The following ACOT6 variants were observed in gnomAD, a reference collection of about 807,000 sequenced individuals.
ACOT6 encodes acyl-coenzyme A thioesterase 6.
Under a neutral mutation model 12.3 loss-of-function variants are expected in ACOT6, and 14 were observed. The observed-to-expected ratio is 1.14, with a 90% CI of 0.75 to 1.78. The LOEUF (loss-of-function observed/expected upper bound fraction) is 1.78. Ranked by LOEUF, ACOT6 falls within the 40% of genes most tolerant of loss-of-function variation. The pLI, the probability that ACOT6 is intolerant of heterozygous loss-of-function variation, is 0.00. For missense variants in ACOT6, 523 were observed against 551.8 expected (o/e 0.95, Z 0.52); for synonymous variants, 218 against 231.3 (o/e 0.94, Z 0.52).
At chr14:73,619,084 TGC>T in intron 2 of ACOT6, 148 bp from the exon 3 acceptor site, 3 of 970,314 alleles carry the variant, frequency 3.1e-6, no homozygotes, top group Non-Finnish European at 4.4e-6. Context: ...GAGCCAAGAT[TGC>T]ACCACTGCAC....
chr14:73,616,761 G>C (rs1203273317), intron 1 of ACOT6: 3 of 416,764 alleles, frequency 7.2e-6, no homozygotes, highest in Non-Finnish European at 1.3e-5. Context: ...CGGATGAACT[G>C]TACAGTGATG....
chr14:73,613,000 G>C lies in ACOT6; in HGVS notation c.429G>C (p.Pro143=). The C allele has an allele frequency of 1.0e-6, 1 of 984,466 alleles. No homozygotes were observed. The highest frequency in any genetic ancestry group is 1.4e-6 in the Non-Finnish European group (1 of 718,060). 61.0% of individuals were successfully genotyped at this position (984,466 alleles called of 1,614,324 possible). A position where few individuals can be genotyped will look rare whatever the true frequency, so the allele number is the denominator to read the frequency against. ...GVRREPVRAG[P]VRAALFLPPD... is the part of the protein sequence containing the mutation. ...GGCGCGAGCCGGTGCGCGCGGGCCCGGTGCGCGCCGCGCTCTTCCTGCCGC... is the reference window on the plus strand; with the variant it reads ...GGCGCGAGCCGGTGCGCGCGGGCCCCGTGCGCGCCGCGCTCTTCCTGCCGC... The change falls in exon 1 of 3, where the codon CCG becomes CCC. Residue 143 remains proline, a synonymous_variant. Transcript: ENST00000645972.
At position 73,615,068 on chromosome 14, in the gene ACOT6, G is replaced by A. The variant is rs9671270; in HGVS notation, c.462-1926G>A. 3.0e-3 allele frequency among the ~76,000 whole-genome samples: 386 copies of A among 128,328 alleles called. 3 individuals are homozygous for A. The highest frequency in any genetic ancestry group is 0.01 in the African/African-American group (343 of 32,838). 84.2% of individuals were successfully genotyped at this position (128,328 alleles called of 152,430 possible). A position where few individuals can be genotyped will look rare whatever the true frequency, so the allele number is the denominator to read the frequency against. ...CGCACCGTTGCACTCCAGCCTGGAG[G>A]ACAGAGCAAGACTCCATCTCAAAAA... On this transcript the variant is annotated intron_variant, in intron 1 of 2. Coordinates refer to ENST00000645972, the MANE Select transcript of ACOT6 (RefSeq NM_001365788.1).
upstream of ACOT6, chr14:73,611,581 G>C (rs1208272565): frequency 2.0e-5 from 3 of 152,242 alleles, no homozygotes; most frequent in Non-Finnish European, 4.4e-5. Context: ...GACTCTGCCA[G>C]TGATTAGATT....
rs1488063359 is a variant in ACOT6, at chr14:73,612,902, G to A, written c.331G>A (p.Gly111Ser). ...CGCCGTGGAGCTGGAAGTGCTGGACGGCCACGACACCGAGCCCGGGCGGCT... is the reference window on the plus strand; with the variant it reads ...CGCCGTGGAGCTGGAAGTGCTGGACAGCCACGACACCGAGCCCGGGCGGCT... ...PFAVELEVLD[G>S]HDTEPGRLLC... The change falls in exon 1 of 3, where the codon GGC (glycine) becomes AGC (serine). Residue 111 changes from glycine to serine, a missense_variant. Coordinates refer to ENST00000645972, the MANE Select transcript of ACOT6 (RefSeq NM_001365788.1). The A allele has an allele frequency of 3.6e-6, 5 of 1,371,336 alleles. No homozygotes were observed. Among genetic ancestry groups the A allele is most frequent in the South Asian group, 2.7e-5 (2 of 73,660 alleles). The allele number at this position is 1,371,336 out of a possible 1,614,324, so 84.9% of individuals were successfully genotyped here. A position where few individuals can be genotyped will look rare whatever the true frequency, so the allele number is the denominator to read the frequency against.
chr14:73,612,648 T>C lies in ACOT6; in HGVS notation c.77T>C (p.Leu26Pro). The change falls in exon 1 of 3, where the codon CTG (leucine) becomes CCG (proline). Residue 26 changes from leucine (L) to proline (P), a missense_variant. Transcript: ENST00000645972. ...CCGCTGCGCATCGCAGTGCGCGGCCTGGCCCCGGAGCAGCCAGTCACGCTG... is the reference window on the plus strand; with the variant it reads ...CCGCTGCGCATCGCAGTGCGCGGCCCGGCCCCGGAGCAGCCAGTCACGCTG... ...DEPLRIAVRG[L>P]APEQPVTLRT... The C allele has an allele frequency of 1.4e-6, 2 of 1,406,308 alleles. No individual in the cohort carries two copies. The highest frequency in any genetic ancestry group is 1.8e-6 in the Non-Finnish European group (2 of 1,081,418). The allele number at this position is 1,406,308 out of a possible 1,614,324, so 87.1% of individuals were successfully genotyped here. A position where few individuals can be genotyped will look rare whatever the true frequency, so the allele number is the denominator to read the frequency against.
At chr14:73,613,481 C>T (rs888875757) in intron 1 of ACOT6, among the ~76,000 whole-genome samples, 1 of 152,140 alleles carries the variant, frequency 6.6e-6, no homozygotes, top group Non-Finnish European at 1.5e-5. Context: ...TCCAAAGAAG[C>T]TAAAATCCAC....
chr14:73,619,023 G>A (rs185142858), intron 2 of ACOT6, among the ~76,000 whole-genome samples: 149 of 152,164 alleles, frequency 9.8e-4, no homozygotes, highest in African/African-American at 3.5e-3. Flanking sequence ...CCAGCTACTC[G>A]GGAGGCTGAG....
chr14:73,616,849 TATC>T (rs766597511), intron 1 of ACOT6, 142 bp from the exon 2 acceptor site: 2 of 574,424 alleles, frequency 3.5e-6, no homozygotes, highest in Non-Finnish European at 6.2e-6. Context: ...CCCTCTATAT[TATC>T]ATTATTGTTT....
At chr14:73,618,508 C>T (rs894722999) in intron 2 of ACOT6, among the ~76,000 whole-genome samples, 20 of 151,328 alleles carry the variant, frequency 1.3e-4, no homozygotes, top group African/African-American at 4.2e-4. Context: ...GCAGGGCCCA[C>T]GGGCTGACCT....
chr14:73,612,631 C>A lies in ACOT6; in HGVS notation c.60C>A (p.Arg20=). Reference sequence around the variant, plus strand: ...GCTGCTGCTGGGACGAGCCGCTGCGCATCGCAGTGCGCGGCCTGGCCCCGG... The same window carrying A: ...GCTGCTGCTGGGACGAGCCGCTGCGAATCGCAGTGCGCGGCCTGGCCCCGG... ...AGRCCWDEPL[R]IAVRGLAPEQ... Residue 20 remains arginine (R), a synonymous_variant, in exon 1 of 3, where the codon CGC becomes CGA. Transcript: ENST00000645972. 7.1e-7 allele frequency: 1 copy of A among 1,406,600 alleles called. No homozygotes were observed. Among genetic ancestry groups the A allele is most frequent in the Non-Finnish European group, 9.3e-7 (1 of 1,078,786 alleles). 87.1% of individuals were successfully genotyped at this position (1,406,600 alleles called of 1,614,324 possible).
rs1160138803 is a variant in ACOT6, at chr14:73,615,388, T to TAAAAAAAA, written c.462-1594_462-1587dup. On this transcript the variant is annotated intron_variant, in intron 1 of 2. Transcript: ENST00000645972. The stretch of plus-strand genomic sequence containing the variant: ...GGCAACAGAGAGAGACTCTGTCTGA[T>TAAAAAAAA]AAAAAAAAAAAAAAAAAAACAAAAA... 2.4e-4 allele frequency among the ~76,000 whole-genome samples: 15 copies of TAAAAAAAA among 63,300 alleles called. 2 individuals carry two copies. Among genetic ancestry groups the TAAAAAAAA allele is most frequent in the African/African-American group, 9.0e-4 (9 of 9,996 alleles). The allele number at this position is 63,300 out of a possible 152,430, so 41.5% of individuals were successfully genotyped here.
upstream of ACOT6, among the ~76,000 whole-genome samples, chr14:73,612,044 CTT>C (rs34519118): frequency 2.3e-3 from 333 of 142,252 alleles, no homozygotes; most frequent in African/African-American, 7.2e-3. Context: ...GTCATTAACT[CTT>C]TTTTTTTTTT....
At chr14:73,615,399 A>AT (rs1890518324) in intron 1 of ACOT6, among the ~76,000 whole-genome samples, 1 of 143,818 alleles carries the variant, frequency 7.0e-6, no homozygotes, top group Non-Finnish European at 1.5e-5. Flanking sequence ...AAAAAAAAAA[A>AT]AAAAAAAACA....
intron 2 of ACOT6, among the ~76,000 whole-genome samples, chr14:73,617,941 T>C (rs2140000840): frequency 6.6e-6 from 1 of 151,162 alleles, no homozygotes; most frequent in South Asian, 2.1e-4. Flanking sequence ...GGTCAGGAGT[T>C]TGAGACCAGC....
chr14:73,618,104 T>C lies in ACOT6; in HGVS notation c.660+912T>C, dbSNP rs186622219. ...GTTGCAGTGAGTCGAGATTACACCA[T>C]TGCACTCTAGACTGGGCAACAAGAA... is the stretch of plus-strand genomic sequence containing the variant. On this transcript the variant is annotated intron_variant, in intron 2 of 2. Coordinates refer to ENST00000645972, the MANE Select transcript of ACOT6 (RefSeq NM_001365788.1). Among the ~76,000 whole-genome samples the C allele has an allele frequency of 5.3e-5, 8 of 152,024 alleles. No homozygotes were observed. In the East Asian group the frequency reaches 1.5e-3, roughly 29 times the overall value.
At chr14:73,613,330 T>C (rs984259026) in intron 1 of ACOT6, among the ~76,000 whole-genome samples, 1 of 152,168 alleles carries the variant, frequency 6.6e-6, no homozygotes, top group African/African-American at 2.4e-5. Flanking sequence ...ACTTTAGCTA[T>C]GTGCTGAATA....
At position 73,619,843 on chromosome 14, in the gene ACOT6, T is replaced by G; in HGVS notation, c.*4T>G. The G allele has an allele frequency of 4.4e-6, 7 of 1,583,116 alleles. No individual in the cohort carries two copies. Among genetic ancestry groups the G allele is most frequent in the Non-Finnish European group, 6.0e-6 (7 of 1,168,750 alleles). On this transcript the variant is annotated 3_prime_UTR_variant, in exon 3 of 3. Coordinates refer to ENST00000645972, the MANE Select transcript of ACOT6 (RefSeq NM_001365788.1). ...TGTCAAGCACAGCAAAATATAACAT[T>G]GTAGCCACAGACCAGATACCATTAA...
At chr14:73,613,743 A>G (rs1890488067) in intron 1 of ACOT6, among the ~76,000 whole-genome samples, 1 of 152,196 alleles carries the variant, frequency 6.6e-6, no homozygotes, top group African/African-American at 2.4e-5. Flanking sequence ...AACCACCAGA[A>G]CAAAGAATTA....
Sources: gnomAD v4.1 joint callset for allele counts (sites outside exome capture counted in the v4.1 genomes callset) on GRCh38, gnomAD v4.1.1 for gene constraint, MANE v1.5 for transcripts, NCBI Gene and HGNC (gene_info 2026-07-23, HGNC 2026-07-21) for gene names.